Variants in NELL1 observed in about 807,000 individuals in gnomAD.
NELL1 encodes the protein neural EGFL like 1.
Under a neutral mutation model 107.4 loss-of-function variants are expected in NELL1, and 76 were observed. The observed-to-expected ratio is 0.71, with a 90% CI of 0.59 to 0.86. The LOEUF is 0.86. Among genes scored for constraint, NELL1 ranks in the 40% least tolerant of loss-of-function variants. NELL1 has a pLI of 0.00. For missense variants in NELL1, 1,024 were observed against 1,005.5 expected, an observed-to-expected ratio of 1.02 and a Z score of -0.25; for synonymous variants, 353 against 341.2, an observed-to-expected ratio of 1.03 and a Z score of -0.38.
At position 20,829,276 on chromosome 11, in the gene NELL1, G is replaced by C. The variant is rs1030796180; in HGVS notation, c.336-18307G>C. ...GAGTCTTGTTCTGTTGCCCACGCTA[G>C]AGTGCAGTGGTGCAATCGCGGCTCA... On this transcript the variant is annotated intron_variant, in intron 3 of 19. Coordinates refer to ENST00000357134, the MANE Select transcript of NELL1 (RefSeq NM_006157.5). Among the ~76,000 whole-genome samples the C allele has an allele frequency of 2.2e-5, 3 of 136,604 alleles. No homozygotes were observed. In the Admixed American group the frequency reaches 2.4e-4, roughly 11 times the overall value. 89.6% of individuals were successfully genotyped at this position (136,604 alleles called of 152,430 possible). A position where few individuals can be genotyped will look rare whatever the true frequency, so the allele number is the denominator to read the frequency against.
chr11:21,300,575 G>C (rs1449356589), intron 14 of NELL1, among the ~76,000 whole-genome samples: 1 of 151,942 alleles, frequency 6.6e-6, no homozygotes, highest in African/African-American at 2.4e-5. Context: ...GGAGGCTATA[G>C]TGGGCTCTAG....
intron 2 of NELL1, among the ~76,000 whole-genome samples, chr11:20,772,489 A>G (rs1274760092): frequency 6.6e-6 from 1 of 152,218 alleles, no homozygotes; most frequent in African/African-American, 2.4e-5. Context: ...AATTTGAAAT[A>G]CTATCATGTA....
chr11:21,182,928 C>T (rs1258068734), intron 13 of NELL1, among the ~76,000 whole-genome samples: 1 of 151,746 alleles, frequency 6.6e-6, no homozygotes, highest in Admixed American at 6.6e-5. Flanking sequence ...TAGGATGATA[C>T]TTACAAGAAG....
At chr11:20,671,162 A>C (rs1853898513) in intron 1 of NELL1, 1 of 152,358 alleles carries the variant, frequency 6.6e-6, no homozygotes, top group Non-Finnish European at 1.5e-5. Flanking sequence ...GGCTGCGGAG[A>C]CGCCAAGGCT....
At chr11:21,460,608 G>A (rs375646515) in intron 15 of NELL1, among the ~76,000 whole-genome samples, 8 of 152,180 alleles carry the variant, frequency 5.3e-5, no homozygotes, top group South Asian at 2.1e-4. Context: ...ATAAATGCGA[G>A]AGCATTGATT....
intron 15 of NELL1, among the ~76,000 whole-genome samples, chr11:21,474,800 T>G (rs984095265): frequency 2.0e-5 from 3 of 152,192 alleles, no homozygotes; most frequent in Admixed American, 6.5e-5. Flanking sequence ...TGTAGACTAA[T>G]TGCAGGGAGT....
intron 2 of NELL1, among the ~76,000 whole-genome samples, chr11:20,730,074 A>G (rs1343601867): frequency 6.6e-6 from 1 of 152,204 alleles, no homozygotes; most frequent in Non-Finnish European, 1.5e-5. Context: ...TCCCCGTTGA[A>G]ACAAATAATC....
intron 14 of NELL1, among the ~76,000 whole-genome samples, chr11:21,301,074 CTCA>C (rs1266932418): frequency 6.6e-6 from 1 of 152,130 alleles, no homozygotes; most frequent in Admixed American, 6.6e-5. Flanking sequence ...AGAACATGAA[CTCA>C]TCTTTTTTAT....
In NELL1 at chr11:21,238,417, C is replaced by T. The variant is rs568099177; in HGVS notation, c.1549+8963C>T. 2.6e-5 allele frequency among the ~76,000 whole-genome samples: 4 copies of T among 151,974 alleles called. No individual in the cohort carries two copies. In the East Asian group the frequency reaches 7.7e-4, roughly 29 times the overall value. On this transcript the variant is annotated intron_variant, in intron 14 of 19. Transcript: ENST00000357134. ...ATTATAATATGATAACTTCTATTTT[C>T]TCAATAAAATATTAAATGCAGTCAT...
Position 20,715,201 on chromosome 11 carries a change from C to T in NELL1, c.184+37141C>T, listed in dbSNP as rs191877823. The stretch of plus-strand genomic sequence containing the variant: ...TGGAGCTTGCAGTGAGTTGACATCG[C>T]GCCATTGCATGCCAGCCTGGGGACA... On this transcript the variant is annotated intron_variant, in intron 2 of 19. Coordinates refer to ENST00000357134, the MANE Select transcript of NELL1 (RefSeq NM_006157.5). Among the ~76,000 whole-genome samples the T allele has an allele frequency of 1.6e-3, 239 of 151,724 alleles. 2 individuals are homozygous for T. The highest frequency in any genetic ancestry group is 5.5e-3 in the African/African-American group (226 of 41,364).
In NELL1 at chr11:20,806,125, C is replaced by CTTTTTT. The variant is rs1278998372; in HGVS notation, c.335+22305_335+22310dup. ...TGATTACTTACTGCTTATTAATGTC[C>CTTTTTT]TTTTTTTTTTTTTTTATCAGATTGA... On this transcript the variant is annotated intron_variant, in intron 3 of 19. Coordinates refer to ENST00000357134, the MANE Select transcript of NELL1 (RefSeq NM_006157.5). 6.7e-4 allele frequency among the ~76,000 whole-genome samples: 90 copies of CTTTTTT among 134,902 alleles called. No individual in the cohort carries two copies. In the South Asian group the frequency reaches 0.018, roughly 27 times the overall value. The allele number at this position is 134,902 out of a possible 152,430, so 88.5% of individuals were successfully genotyped here. A position where few individuals can be genotyped will look rare whatever the true frequency, so the allele number is the denominator to read the frequency against.
At chr11:20,673,067 G>A (rs775651122) in intron 1 of NELL1, among the ~76,000 whole-genome samples, 10 of 145,676 alleles carry the variant, frequency 6.9e-5, no homozygotes, top group Non-Finnish European at 1.0e-4. Flanking sequence ...TCTTCATATT[G>A]GTCAGGCTGG....
intron 15 of NELL1, among the ~76,000 whole-genome samples, chr11:21,510,899 A>G (rs767422567): frequency 9.9e-5 from 15 of 152,148 alleles, no homozygotes; most frequent in Admixed American, 2.6e-4. Flanking sequence ...TGTTATTTCA[A>G]TGATTAAAAT....
intron 16 of NELL1, among the ~76,000 whole-genome samples, chr11:21,549,035 A>G (rs1856512221): frequency 6.6e-6 from 1 of 151,740 alleles, no homozygotes; most frequent in African/African-American, 2.4e-5. Flanking sequence ...ATAATTTTTA[A>G]AATAGAAATA....
chr11:20,928,387 T>C lies in NELL1; in HGVS notation c.905T>C (p.Val302Ala), dbSNP rs780264506. The change falls in exon 9 of 20, where the codon GTG becomes GCG. Residue 302 changes from valine (V) to alanine (A), a missense_variant. By Grantham distance (64) the Val-to-Ala change is moderately conservative. Coordinates refer to ENST00000357134, the MANE Select transcript of NELL1 (RefSeq NM_006157.5). ...TCCTTCCTTCCTCAGAGTGGTGCCGTGGAATGCCGAAGGATGTCCTGTCCC... is the reference window on the plus strand; with the variant it reads ...TCCTTCCTTCCTCAGAGTGGTGCCGCGGAATGCCGAAGGATGTCCTGTCCC... Reference protein sequence around the residue: ...CRNCTCKSGAVECRRMSCPPL... With the variant: ...CRNCTCKSGAAECRRMSCPPL... 3.1e-6 allele frequency: 5 copies of C among 1,613,910 alleles called. No homozygotes were observed. The East Asian group carries it at 8.9e-5, about 29-fold the overall frequency.
intron 4 of NELL1, among the ~76,000 whole-genome samples, chr11:20,874,079 T>G (rs1234248385): frequency 6.6e-6 from 1 of 152,096 alleles, no homozygotes. Flanking sequence ...TTTAGACTTT[T>G]TTTTTGAGAC....
intron 5 of NELL1, among the ~76,000 whole-genome samples, chr11:20,915,700 G>GATTATATATATATATATATAT (rs1850230821): frequency 3.4e-5 from 1 of 29,440 alleles, no homozygotes; most frequent in Non-Finnish European, 7.5e-5. Flanking sequence ...CCTCATAGAT[G>GATTATATATATATATATATAT]ATATATATAT....
intron 13 of NELL1, among the ~76,000 whole-genome samples, chr11:21,151,163 A>G (rs912354828): frequency 6.6e-6 from 1 of 152,192 alleles, no homozygotes; most frequent in Non-Finnish European, 1.5e-5. Context: ...TATTTTTCCC[A>G]GAGCACCCAG....
intron 3 of NELL1, among the ~76,000 whole-genome samples, chr11:20,799,777 C>T (rs1191581923): frequency 6.6e-6 from 1 of 152,164 alleles, no homozygotes; most frequent in African/African-American, 2.4e-5. Flanking sequence ...ATATGAATGA[C>T]TTTGGGATAC....
Sources: allele counts gnomAD v4.1 joint callset (sites outside exome capture counted in the v4.1 genomes callset), GRCh38; gene constraint gnomAD v4.1.1; transcripts MANE v1.5; gene names NCBI Gene and HGNC (gene_info 2026-07-23, HGNC 2026-07-21).